RGPD3: variants seen among roughly 807,000 people sequenced by gnomAD.
The protein encoded by RGPD3 is RANBP2 like and GRIP domain containing 3.
In RGPD3, 62 loss-of-function variants were observed where a neutral mutation model predicts 154.5. That is an observed-to-expected ratio of 0.40 (90% CI 0.33 to 0.50). RGPD3 has a LOEUF of 0.50. Among genes scored for constraint, RGPD3 ranks in the 20% least tolerant of loss-of-function variants. The probability of loss-of-function intolerance (pLI) is 0.59; values close to 1 mark genes in which losing one functional copy is unlikely to be tolerated. For missense variants in RGPD3, 919 were observed against 1,716.8 expected (o/e 0.54, Z 8.21); for synonymous variants, 308 against 607.0 (o/e 0.51, Z 7.24).
chr2:106,464,253 A>C (rs1289749421), intron 1 of RGPD3, among the ~76,000 whole-genome samples: 1 of 151,226 alleles, frequency 6.6e-6, no homozygotes, highest in Admixed American at 6.6e-5. Context: ...GGGCAGGAGA[A>C]TGGTGTGAAC....
chr2:106,434,341 C>T lies in RGPD3; in HGVS notation c.2092G>A (p.Asp698Asn). The T allele has an allele frequency of 6.2e-7, 1 of 1,611,124 alleles. No individual in the cohort carries two copies. Among genetic ancestry groups the T allele is most frequent in the Non-Finnish European group, 8.5e-7 (1 of 1,179,514 alleles). ...TCTTGTTCTTCAGGAGAAAGGGCAT[C>T]ATTTGCAATGTCTTCTGCCTTCCTG... ...FHRKAEDIAN[D>N]ALSPEEQEEC... Residue 698 changes from aspartate (D) to asparagine (N), a missense_variant, in exon 15 of 23, where the codon GAT becomes AAT. Physicochemically the swap from Asp to Asn is conservative, Grantham distance 23. Transcript: ENST00000409886.
rs1412212235 is a variant in RGPD3 at position 106,413,302 on chromosome 2, G to A, written c.5065-17C>T. ...TTTGAGAAGCTGGTGTTAGAGAAAT[G>A]AGTTAAAAATGGGCTTTAGGAGCTT... On this transcript the variant is annotated splice_polypyrimidine_tract_variant and intron_variant, in intron 21 of 22. Coordinates refer to ENST00000409886, the MANE Select transcript of RGPD3 (RefSeq NM_001144013.2). The A allele has an allele frequency of 1.2e-6, 2 of 1,611,512 alleles. No individual in the cohort carries two copies. The highest frequency in any genetic ancestry group is 1.7e-6 in the Non-Finnish European group (2 of 1,179,780).
intron 17 of RGPD3, among the ~76,000 whole-genome samples, chr2:106,431,697 C>G (rs1677367833): frequency 6.6e-6 from 1 of 151,988 alleles, no homozygotes; most frequent in African/African-American, 2.4e-5. Flanking sequence ...GCAAATACTG[C>G]TGATCACACT....
At chr2:106,439,995 C>T (rs1677690322) in intron 8 of RGPD3, among the ~76,000 whole-genome samples, 1 of 64,200 alleles carries the variant, frequency 1.6e-5, no homozygotes. Context: ...CACAGATGAA[C>T]CTTGAAAACC....
chr2:106,405,166 A>G lies in RGPD3; in HGVS notation c.*53T>C. On this transcript the variant is annotated 3_prime_UTR_variant, in exon 23 of 23. Coordinates refer to ENST00000409886, the MANE Select transcript of RGPD3 (RefSeq NM_001144013.2). ...AACATTCCTTCCATCAACCTATCGA[A>G]GTCCAAACCAACTACGAAGATAGGA... 2.5e-6 allele frequency: 4 copies of G among 1,607,164 alleles called. No homozygotes were observed. Among genetic ancestry groups the G allele is most frequent in the Non-Finnish European group, 3.4e-6 (4 of 1,177,056 alleles).
intron 1 of RGPD3, among the ~76,000 whole-genome samples, chr2:106,461,376 T>A (rs1296871421): frequency 1.3e-5 from 2 of 151,936 alleles, no homozygotes; most frequent in Non-Finnish European, 2.9e-5. Context: ...ACAATTGATC[T>A]GATAACTGAG....
At chr2:106,455,086 A>G (rs867062850) in intron 4 of RGPD3, among the ~76,000 whole-genome samples, 4,764 of 151,190 alleles carry the variant, frequency 0.032, 18 homozygotes, top group Non-Finnish European at 0.05. Flanking sequence ...GGATCACCTG[A>G]GAACCCGGGA....
chr2:106,437,970 C>T (rs148743341), intron 9 of RGPD3, among the ~76,000 whole-genome samples: 12,072 of 152,278 alleles, frequency 0.079, 543 homozygotes, highest in Admixed American at 0.12. Context: ...CTCGCTCTGT[C>T]GCCCAGGCTG....
intron 21 of RGPD3, among the ~76,000 whole-genome samples, chr2:106,414,138 T>A (rs1215059508): frequency 6.6e-6 from 1 of 151,910 alleles, no homozygotes; most frequent in Admixed American, 6.6e-5. Context: ...CAAAGAATGA[T>A]ATAAAAAAGG....
intron 1 of RGPD3, 134 bp from the exon 2 acceptor site, chr2:106,459,466 C>G (rs1440974493): frequency 1.6e-4 from 72 of 447,242 alleles, no homozygotes; most frequent in Non-Finnish European, 5.1e-5. Flanking sequence ...TTTTTTAAAG[C>G]CTGACAAATG....
At chr2:106,426,793 T>C (rs1198994981) in intron 18 of RGPD3, among the ~76,000 whole-genome samples, 3 of 152,258 alleles carry the variant, frequency 2.0e-5, no homozygotes, top group Admixed American at 1.3e-4. Context: ...AGATCTTTCA[T>C]GCCTGTACAT....
intron 20 of RGPD3, among the ~76,000 whole-genome samples, chr2:106,417,669 G>A (rs1676859299): frequency 6.6e-6 from 1 of 150,550 alleles, no homozygotes; most frequent in Non-Finnish European, 1.5e-5. Flanking sequence ...AGGAAACTGG[G>A]CCTATTAGAT....
intron 17 of RGPD3, among the ~76,000 whole-genome samples, chr2:106,430,058 T>C: frequency 6.6e-6 from 1 of 151,244 alleles, no homozygotes; most frequent in Non-Finnish European, 1.5e-5. Context: ...TAATTTTTTG[T>C]ATAATAGTAG....
At position 106,424,249 on chromosome 2, in the gene RGPD3, C is replaced by G. The variant is rs947122381; in HGVS notation, c.3718G>C (p.Ala1240Pro). The change falls in exon 20 of 23, where the codon GCT (alanine) becomes CCT (proline). Residue 1240 changes from alanine to proline, a missense_variant. Coordinates refer to ENST00000409886, the MANE Select transcript of RGPD3 (RefSeq NM_001144013.2). ...TCTAATGTGGGCCCAGTGTTTTCAG[C>G]ATTGGGTTTTATTGTTGTGTCTGAG... ...GASDTTIKPN[A>P]ENTGPTLEWD... 3.6e-5 allele frequency: 58 copies of G among 1,611,944 alleles called. 1 individual carries two copies. Among genetic ancestry groups the G allele is most frequent in the African/African-American group, 3.2e-4 (24 of 74,946 alleles).
upstream of RGPD3, among the ~76,000 whole-genome samples, chr2:106,470,143 C>T (rs1678778852): frequency 6.6e-6 from 1 of 152,164 alleles, no homozygotes; most frequent in Admixed American, 6.5e-5. Context: ...ATGCCTAGCA[C>T]ATAGAAAATG....
intron 1 of RGPD3, among the ~76,000 whole-genome samples, chr2:106,466,419 TCGGG>T (rs1441401311): frequency 3.1e-5 from 4 of 130,690 alleles, no homozygotes; most frequent in African/African-American, 1.2e-4. Flanking sequence ...GCAGCGCCCG[TCGGG>T]AGCCATGACG....
At chr2:106,466,265 G>C (rs919435939) in intron 1 of RGPD3, among the ~76,000 whole-genome samples, 1 of 151,954 alleles carries the variant, frequency 6.6e-6, no homozygotes, top group Admixed American at 6.5e-5. Flanking sequence ...CAAGCGCCGC[G>C]CCGCCCACAG....
chr2:106,418,848 G>A (rs1414111095), intron 20 of RGPD3, among the ~76,000 whole-genome samples: 1 of 150,788 alleles, frequency 6.6e-6, no homozygotes, highest in Admixed American at 6.7e-5. Flanking sequence ...GATTGCAGGG[G>A]TGAGACACCA....
intron 17 of RGPD3, among the ~76,000 whole-genome samples, chr2:106,431,832 C>A (rs1370490398): frequency 1.1e-4 from 17 of 150,910 alleles, no homozygotes; most frequent in African/African-American, 3.9e-4. Context: ...CTCCTTTGAA[C>A]CCTATTGTTA....
Sources: allele counts gnomAD v4.1 joint callset (sites outside exome capture counted in the v4.1 genomes callset), GRCh38; gene constraint gnomAD v4.1.1; transcripts MANE v1.5; gene names NCBI Gene and HGNC (gene_info 2026-07-23, HGNC 2026-07-21).